Variants in AGXT2 observed in about 807,000 individuals in gnomAD.
The protein encoded by AGXT2 is alanine--glyoxylate aminotransferase 2, mitochondrial.
In AGXT2, 61 loss-of-function variants were observed where a neutral mutation model predicts 62.5. The ratio of observed to expected loss-of-function variants is 0.98; its 90% CI spans 0.79 to 1.21. AGXT2 has a LOEUF of 1.21. Ranked by LOEUF, AGXT2 falls within the 50% of genes most tolerant of loss-of-function variation. AGXT2 has a pLI of 0.00. For synonymous variants in AGXT2, 243 were observed against 218.7 expected (o/e 1.11, Z -0.98); for missense variants, 666 against 641.5 (o/e 1.04, Z -0.41).
At chr5:35,025,950 A>G in intron 8 of AGXT2, 95 bp from the exon 9 acceptor site, 2 of 1,030,484 alleles carry the variant, frequency 1.9e-6, no homozygotes, top group Non-Finnish European at 3.0e-6. Flanking sequence ...CATTATCATG[A>G]CAGTAACACT....
At chr5:35,007,828 T>C (rs1271526800) in intron 12 of AGXT2, among the ~76,000 whole-genome samples, 1 of 152,134 alleles carries the variant, frequency 6.6e-6, no homozygotes, top group South Asian at 2.1e-4. Context: ...GCTTGGGTGG[T>C]GGGGGCAGAT....
At chr5:35,006,193 C>G (rs1460030961) in intron 12 of AGXT2, among the ~76,000 whole-genome samples, 1 of 152,080 alleles carries the variant, frequency 6.6e-6, no homozygotes, top group Non-Finnish European at 1.5e-5. Context: ...TAGGTTGTTT[C>G]CAATTTTTCA....
chr5:35,001,415 T>C (rs1446503492), intron 13 of AGXT2, among the ~76,000 whole-genome samples: 1 of 152,218 alleles, frequency 6.6e-6, no homozygotes, highest in Non-Finnish European at 1.5e-5. Flanking sequence ...AGGGACCCCC[T>C]GTCTCCAGTC....
chr5:35,045,744 TTTTTTTC>T (rs1306582487), intron 1 of AGXT2, among the ~76,000 whole-genome samples: 1 of 124,132 alleles, frequency 8.1e-6, no homozygotes, highest in Non-Finnish European at 1.8e-5. Context: ...GGTAGTGTGG[TTTTTTTC>T]TTTTTCTTTT....
chr5:35,002,336 A>C (rs1207918427), intron 13 of AGXT2, among the ~76,000 whole-genome samples: 1 of 152,202 alleles, frequency 6.6e-6, no homozygotes, highest in Non-Finnish European at 1.5e-5. Flanking sequence ...AAGATGCAAG[A>C]AAACATGGGG....
intron 6 of AGXT2, 62 bp downstream of exon 6, chr5:35,033,398 G>T (rs1396895217): frequency 1.6e-6 from 2 of 1,285,394 alleles, no homozygotes; most frequent in Non-Finnish European, 2.3e-6. Flanking sequence ...AGGAAAACCT[G>T]ATCAACTACT....
chr5:35,026,613 G>A, intron 7 of AGXT2, 103 bp from the exon 8 acceptor site: 2 of 1,106,080 alleles, frequency 1.8e-6, no homozygotes, highest in Non-Finnish European at 2.7e-6. Flanking sequence ...AAAACAACCA[G>A]ACAGGGTAAG....
At chr5:35,004,685 G>C (rs1766357836) in intron 12 of AGXT2, among the ~76,000 whole-genome samples, 1 of 152,224 alleles carries the variant, frequency 6.6e-6, no homozygotes, top group Admixed American at 6.5e-5. Flanking sequence ...TGGAAGCAGG[G>C]CTTAGGCATC....
At chr5:35,018,390 C>A (rs772449665) in intron 9 of AGXT2, among the ~76,000 whole-genome samples, 3 of 152,294 alleles carry the variant, frequency 2.0e-5, no homozygotes, top group Admixed American at 2.0e-4. Flanking sequence ...AGAAACTCTA[C>A]AAGCCAGAAG....
intron 1 of AGXT2, among the ~76,000 whole-genome samples, chr5:35,046,592 C>T (rs1331995702): frequency 6.6e-6 from 1 of 152,152 alleles, no homozygotes; most frequent in Non-Finnish European, 1.5e-5. Flanking sequence ...GATAATAGTA[C>T]TCACTAACAA....
At position 35,026,412 on chromosome 5, in the gene AGXT2, GAATAGGTTCTGCGAA is replaced by G. The variant is rs748833390; in HGVS notation, c.853_867del (p.Phe285_Ile289del). On this transcript the variant is annotated inframe_deletion, in exon 8 of 14. Coordinates refer to ENST00000231420, the MANE Select transcript of AGXT2 (RefSeq NM_031900.4). ...ATGTCTAAGGTTCATATACCCACTTGAATAGGTTCTGCGAAAAATCCAGCAATTGACTTGGCCACA... is the reference window on the plus strand; with the variant it reads ...ATGTCTAAGGTTCATATACCCACTTGAAATCCAGCAATTGACTTGGCCACA... 6.2e-7 allele frequency: 1 copy of G among 1,613,494 alleles called. No individual in the cohort carries two copies. The highest frequency in any genetic ancestry group is 1.1e-5 in the South Asian group (1 of 91,068).
intron 11 of AGXT2, among the ~76,000 whole-genome samples, chr5:35,010,672 G>A (rs1389308124): frequency 2.0e-5 from 3 of 151,994 alleles, no homozygotes; most frequent in African/African-American, 4.8e-5. Context: ...GTGACAGAGC[G>A]ACACTTTGCC....
intron 7 of AGXT2, among the ~76,000 whole-genome samples, chr5:35,028,293 T>C (rs1561226577): frequency 6.6e-6 from 1 of 152,170 alleles, no homozygotes; most frequent in Non-Finnish European, 1.5e-5. Flanking sequence ...GGCTATCATG[T>C]TACCAGTACT....
At chr5:35,037,286 AGGAG>A in intron 3 of AGXT2, among the ~76,000 whole-genome samples, 2 of 152,352 alleles carry the variant, frequency 1.3e-5, no homozygotes, top group South Asian at 4.1e-4. Flanking sequence ...AGGGTTCAAA[AGGAG>A]ACTCATTGAT....
At chr5:35,033,108 G>C in intron 6 of AGXT2, 1 of 496,292 alleles carries the variant, frequency 2.0e-6, no homozygotes, top group East Asian at 3.9e-5. Context: ...GAATAATTAG[G>C]TATCTGATTC....
chr5:35,018,979 A>G (rs344148), intron 9 of AGXT2, among the ~76,000 whole-genome samples: 99,199 of 102,636 alleles, frequency 0.97, 48,285 homozygotes, highest in Non-Finnish European at 1. Flanking sequence ...GACAAAGAAG[A>G]CCATTACATA....
chr5:35,045,193 G>A (rs1768138424), intron 1 of AGXT2, among the ~76,000 whole-genome samples: 1 of 152,182 alleles, frequency 6.6e-6, no homozygotes, highest in African/African-American at 2.4e-5. Context: ...ATATCAAAGT[G>A]TAAACAAAGC....
intron 7 of AGXT2, among the ~76,000 whole-genome samples, chr5:35,027,819 C>T (rs1450432182): frequency 1.3e-5 from 2 of 149,174 alleles, no homozygotes; most frequent in Non-Finnish European, 3.0e-5. Flanking sequence ...AGGAAGTGAG[C>T]GTTCACAATG....
At chr5:35,021,761 G>A (rs568811441) in intron 9 of AGXT2, among the ~76,000 whole-genome samples, 1 of 151,662 alleles carries the variant, frequency 6.6e-6, no homozygotes, top group Non-Finnish European at 1.5e-5. Flanking sequence ...CACAGCAAAA[G>A]AAACTACCAT....
Sources: gnomAD v4.1 joint callset for allele counts (sites outside exome capture counted in the v4.1 genomes callset) on GRCh38, gnomAD v4.1.1 for gene constraint, MANE v1.5 for transcripts, NCBI Gene and HGNC (gene_info 2026-07-23, HGNC 2026-07-21) for gene names.